GABRG3: variants seen among roughly 807,000 people sequenced by gnomAD.
GABRG3 encodes the protein gamma-aminobutyric acid type A receptor subunit gamma3.
GABRG3 carries 25 observed loss-of-function variants against 48.8 expected under a neutral mutation model. The ratio of observed to expected loss-of-function variants is 0.51; its 90% CI spans 0.37 to 0.72. The LOEUF is 0.72. Ranked by LOEUF, GABRG3 falls within the 30% of genes least tolerant of loss-of-function variation. The pLI is 0.00. For synonymous variants in GABRG3, 227 were observed against 217.6 expected, an observed-to-expected ratio of 1.04 and a Z score of -0.38; for missense variants, 394 against 577.9, an observed-to-expected ratio of 0.68 and a Z score of 3.26.
chr15:27,298,683 A>G (rs1172472923), intron 3 of GABRG3, among the ~76,000 whole-genome samples: 2 of 151,848 alleles, frequency 1.3e-5, no homozygotes, highest in East Asian at 1.9e-4. Flanking sequence ...TATATTTCCA[A>G]TCCTTTATTT....
At chr15:27,214,827 TCTC>T (rs1185502122) in intron 3 of GABRG3, among the ~76,000 whole-genome samples, 1 of 152,114 alleles carries the variant, frequency 6.6e-6, no homozygotes, top group East Asian at 1.9e-4. Flanking sequence ...GTGAGACTCA[TCTC>T]CTTCTTTGGA....
chr15:27,307,127 T>A (rs1167629519), intron 3 of GABRG3, among the ~76,000 whole-genome samples: 1 of 130,970 alleles, frequency 7.6e-6, no homozygotes, highest in African/African-American at 3.1e-5. Flanking sequence ...AAACATAATA[T>A]AAACATGTTT....
At chr15:27,105,071 TA>T (rs1897427093) in intron 3 of GABRG3, among the ~76,000 whole-genome samples, 1 of 152,040 alleles carries the variant, frequency 6.6e-6, no homozygotes, top group South Asian at 2.1e-4. Flanking sequence ...AGATTGAAAG[TA>T]AAAGAATGGA....
chr15:27,506,244 T>C (rs1363204385), intron 6 of GABRG3, among the ~76,000 whole-genome samples: 1 of 152,196 alleles, frequency 6.6e-6, no homozygotes, highest in East Asian at 1.9e-4. Flanking sequence ...TGGATTTGAC[T>C]CCCATGACTA....
At chr15:27,162,378 A>G (rs1300945282) in intron 3 of GABRG3, among the ~76,000 whole-genome samples, 1 of 152,172 alleles carries the variant, frequency 6.6e-6, no homozygotes, top group East Asian at 1.9e-4. Flanking sequence ...AGGTATTGAC[A>G]TGGTAAAGCA....
rs116221535 is a variant in GABRG3, at chr15:27,105,434, C to A, written c.270+78613C>A. ...AGGTTACATGTATGGAATACTCCAC[C>A]CAACAACAGCAAAATACACATTTTT... On this transcript the variant is annotated intron_variant, in intron 3 of 9. Transcript: ENST00000615808. 9.4e-4 allele frequency among the ~76,000 whole-genome samples: 143 copies of A among 152,190 alleles called. 2 individuals carry two copies. The highest frequency in any genetic ancestry group is 3.3e-3 in the African/African-American group (136 of 41,546).
chr15:27,301,671 TA>T (rs1892212628), intron 3 of GABRG3, among the ~76,000 whole-genome samples: 1 of 151,858 alleles, frequency 6.6e-6, no homozygotes, highest in Non-Finnish European at 1.5e-5. Context: ...TTTAAAAATA[TA>T]AAACAGTTAA....
At chr15:27,066,090 G>T (rs553868672) in intron 3 of GABRG3, among the ~76,000 whole-genome samples, 2 of 152,172 alleles carry the variant, frequency 1.3e-5, no homozygotes, top group African/African-American at 4.8e-5. Context: ...TTGGCTGTTT[G>T]CAATGATTAA....
Position 27,236,769 on chromosome 15 carries a change from G to A in GABRG3, c.271-90040G>A, listed in dbSNP as rs141365316. 1.6e-3 allele frequency among the ~76,000 whole-genome samples: 243 copies of A among 152,292 alleles called. 1 individual carries two copies. The highest frequency in any genetic ancestry group is 5.3e-3 in the African/African-American group (222 of 41,580). ...CAAAAACTCTATCCTCGGATCATGC[G>A]AACACTGCCATTTTTTTAACATGGG... On this transcript the variant is annotated intron_variant, in intron 3 of 9. Transcript: ENST00000615808. This position sits in a 1 kb window ranked among gnomAD's most constrained non-coding sequence, Gnocchi z 4.4.
intron 5 of GABRG3, among the ~76,000 whole-genome samples, chr15:27,417,467 C>T (rs974379675): frequency 6.6e-6 from 1 of 152,120 alleles, no homozygotes. Flanking sequence ...GTGCTGGGTG[C>T]AGTTTTCTGC....
At chr15:27,136,023 C>G (rs1898002885) in intron 3 of GABRG3, among the ~76,000 whole-genome samples, 2 of 152,182 alleles carry the variant, frequency 1.3e-5, no homozygotes, top group Admixed American at 1.3e-4. Context: ...TCCTCCCTTC[C>G]CTCTAATGGG....
chr15:27,069,009 C>T (rs78557960), intron 3 of GABRG3, among the ~76,000 whole-genome samples: 26 of 152,266 alleles, frequency 1.7e-4, no homozygotes, highest in African/African-American at 6.0e-4. Flanking sequence ...TTTGTTTCCC[C>T]ACCTTGCAAA....
At chr15:27,499,038 C>T (rs1335805555) in intron 6 of GABRG3, among the ~76,000 whole-genome samples, 1 of 152,186 alleles carries the variant, frequency 6.6e-6, no homozygotes, top group African/African-American at 2.4e-5. Flanking sequence ...AGTACTTTCT[C>T]ACGGAGCAGA....
chr15:27,139,060 G>A (rs1211918407), intron 3 of GABRG3, among the ~76,000 whole-genome samples: 1 of 152,072 alleles, frequency 6.6e-6, no homozygotes, highest in East Asian at 1.9e-4. Context: ...TATGAGAACT[G>A]GACAGACAGA....
At chr15:27,206,636 C>G (rs910617510) in intron 3 of GABRG3, among the ~76,000 whole-genome samples, 3 of 152,146 alleles carry the variant, frequency 2.0e-5, no homozygotes, top group African/African-American at 4.8e-5. Flanking sequence ...AGGTCTAATA[C>G]TGTCCGTTGG....
chr15:27,228,836 ATGTT>A (rs1889706301), intron 3 of GABRG3, among the ~76,000 whole-genome samples: 2 of 151,966 alleles, frequency 1.3e-5, no homozygotes, highest in Admixed American at 1.3e-4. Flanking sequence ...GCTTTTCTTC[ATGTT>A]TGTTTGCTGC....
chr15:27,093,067 G>A (rs1897217587), intron 3 of GABRG3, among the ~76,000 whole-genome samples: 1 of 152,114 alleles, frequency 6.6e-6, no homozygotes, highest in South Asian at 2.1e-4. Context: ...CAGCCATTGG[G>A]TTGAGAGAGA....
chr15:27,526,753 T>A (rs1191118167), intron 7 of GABRG3, among the ~76,000 whole-genome samples: 2 of 152,184 alleles, frequency 1.3e-5, no homozygotes, highest in East Asian at 3.8e-4. Context: ...GTATTACCAA[T>A]TAATTGATTC....
At chr15:27,322,976 G>A (rs1893482636) in intron 3 of GABRG3, among the ~76,000 whole-genome samples, 1 of 152,118 alleles carries the variant, frequency 6.6e-6, no homozygotes, top group African/African-American at 2.4e-5. Flanking sequence ...TCCTGGGAGG[G>A]ATGCTAGAAC....
Sources: gnomAD v4.1 joint callset for allele counts (sites outside exome capture counted in the v4.1 genomes callset) on GRCh38, gnomAD v4.1.1 for gene constraint, Gnocchi (gnomAD v3.1) non-coding constraint, MANE v1.5 for transcripts, NCBI Gene and HGNC (gene_info 2026-07-23, HGNC 2026-07-21) for gene names.